Variants in DPP6 observed in about 807,000 individuals in gnomAD.
DPP6 encodes the protein A-type potassium channel modulatory protein DPP6.
DPP6 carries 69 observed loss-of-function variants against 122.6 expected under a neutral mutation model. The observed-to-expected ratio is 0.56, with a 90% CI of 0.46 to 0.69. The LOEUF is 0.69. Among genes scored for constraint, DPP6 ranks in the 30% least tolerant of loss-of-function variants. The probability of loss-of-function intolerance (pLI) is 0.00; values close to 1 mark genes in which losing one functional copy is unlikely to be tolerated. For synonymous variants in DPP6, 418 were observed against 433.1 expected (o/e 0.97, Z 0.43); for missense variants, 928 against 1,116.9 (o/e 0.83, Z 2.41).
chr7:153,998,145 A>C (rs1797529503), intron 1 of DPP6, among the ~76,000 whole-genome samples: 1 of 152,034 alleles, frequency 6.6e-6, no homozygotes, highest in South Asian at 2.1e-4. Context: ...AAGAGGTTAC[A>C]GTCCAAGTTC....
intron 1 of DPP6, among the ~76,000 whole-genome samples, chr7:154,442,358 C>T (rs1428818220): frequency 1.3e-5 from 2 of 152,172 alleles, no homozygotes; most frequent in African/African-American, 2.4e-5. Context: ...CAGAAAGGCA[C>T]TCACAGAGTG....
chr7:153,798,947 A>G, the DPP6 span, among the ~76,000 whole-genome samples: 1 of 152,192 alleles, frequency 6.6e-6, no homozygotes, highest in Admixed American at 6.5e-5. Context: ...ATGAGAATCT[A>G]ATGCCACTGC....
intron 5 of DPP6, among the ~76,000 whole-genome samples, chr7:154,629,088 C>T (rs745319891): frequency 6.6e-6 from 1 of 152,168 alleles, no homozygotes; most frequent in Non-Finnish European, 1.5e-5. Context: ...CACAAAACCT[C>T]GGCTTGGATT....
rs572560988 is a variant in DPP6, at chr7:154,454,174, T to C, written c.358+7846T>C. Among the ~76,000 whole-genome samples, 14 of 152,162 alleles carry C rather than the reference T, an allele frequency of 9.2e-5. No homozygotes were observed. In the South Asian group the frequency reaches 2.7e-3, roughly 29 times the overall value. On this transcript the variant is annotated intron_variant, in intron 2 of 25. Coordinates refer to ENST00000377770, the MANE Select transcript of DPP6 (RefSeq NM_130797.4). Reference sequence around the variant, plus strand: ...TCATGGGAAGCACAGGTGGCTTGAGTGGGTTCTGGTATTGTTCATTTGCCC... The same window carrying C: ...TCATGGGAAGCACAGGTGGCTTGAGCGGGTTCTGGTATTGTTCATTTGCCC...
At chr7:153,888,921 G>C (rs1165470911) in intron 1 of DPP6, among the ~76,000 whole-genome samples, 1 of 152,130 alleles carries the variant, frequency 6.6e-6, no homozygotes, top group Non-Finnish European at 1.5e-5. Context: ...CCAGGCAGTG[G>C]TGCATTTTGA....
intron 18 of DPP6, among the ~76,000 whole-genome samples, chr7:154,870,615 AAAAC>A (rs1170440025): frequency 2.0e-5 from 3 of 151,978 alleles, no homozygotes; most frequent in Non-Finnish European, 4.4e-5. Context: ...CAAAAAACAA[AAAAC>A]AAACAAACAA....
intron 2 of DPP6, among the ~76,000 whole-genome samples, chr7:154,455,700 A>C (rs191922347): frequency 1.9e-4 from 29 of 152,310 alleles, no homozygotes; most frequent in African/African-American, 7.0e-4. Context: ...GAGTCCTTAC[A>C]CTAAAGAGCC....
chr7:153,962,561 A>G (rs1327097289), intron 1 of DPP6, among the ~76,000 whole-genome samples: 1 of 152,216 alleles, frequency 6.6e-6, no homozygotes, highest in Non-Finnish European at 1.5e-5. Context: ...AGTCGGTCCC[A>G]GCCCCTTACG....
intron 1 of DPP6, among the ~76,000 whole-genome samples, chr7:153,974,404 C>T (rs1337902382): frequency 6.6e-6 from 1 of 152,046 alleles, no homozygotes; most frequent in African/African-American, 2.4e-5. Flanking sequence ...TTTAAATGTA[C>T]TTATTTATTT....
chr7:154,779,058 T>C (rs1272699386), intron 10 of DPP6, among the ~76,000 whole-genome samples: 6 of 2,772 alleles, frequency 2.2e-3, no homozygotes, highest in South Asian at 0.021. Context: ...ACCCCCACCA[T>C]CACCACCATC....
In DPP6 at chr7:154,863,671, C is replaced by T. The variant is rs975945580; in HGVS notation, c.1715-4324C>T. On this transcript the variant is annotated intron_variant, in intron 17 of 25. Transcript: ENST00000377770. This position sits in a 1 kb window ranked among gnomAD's most constrained non-coding sequence, Gnocchi z 4.1. ...CTCTGCAAAAATTACAAAATTTAGCCGGGCATGGTGGTGTATGCCTGTAGT... is the reference window on the plus strand; with the variant it reads ...CTCTGCAAAAATTACAAAATTTAGCTGGGCATGGTGGTGTATGCCTGTAGT... Among the ~76,000 whole-genome samples, 5 of 151,868 alleles carry T rather than the reference C, an allele frequency of 3.3e-5. No homozygotes were observed. The highest frequency in any genetic ancestry group is 1.9e-4 in the East Asian group (1 of 5,142).
intron 4 of DPP6, among the ~76,000 whole-genome samples, chr7:154,565,599 C>A (rs1021381793): frequency 6.6e-6 from 1 of 151,976 alleles, no homozygotes; most frequent in Admixed American, 6.6e-5. Flanking sequence ...GATCTCGGTC[C>A]GCCACAACCT....
chr7:153,879,383 C>G, the DPP6 span, among the ~76,000 whole-genome samples: 223 of 152,118 alleles, frequency 1.5e-3, 1 homozygote, highest in African/African-American at 4.8e-3. Flanking sequence ...TTATTTGTTT[C>G]TTTCTTTCTT....
At chr7:154,719,453 T>G (rs3823523) in intron 7 of DPP6, among the ~76,000 whole-genome samples, 66,464 of 152,070 alleles carry the variant, frequency 0.44, 15,065 homozygotes, top group African/African-American at 0.54. Context: ...TCATAAAATT[T>G]GAAATCTAGT....
intron 1 of DPP6, among the ~76,000 whole-genome samples, chr7:154,134,140 T>A (rs1585451271): frequency 6.6e-6 from 1 of 152,080 alleles, no homozygotes; most frequent in Non-Finnish European, 1.5e-5. Flanking sequence ...AGATACGTAG[T>A]TTCTGGATAG....
At chr7:154,661,591 G>A (rs373547359) in intron 6 of DPP6, among the ~76,000 whole-genome samples, 41 of 110,566 alleles carry the variant, frequency 3.7e-4, no homozygotes, top group Middle Eastern at 5.5e-3. Flanking sequence ...CGTATTGGCC[G>A]TAGTGTTCAT....
intron 3 of DPP6, among the ~76,000 whole-genome samples, chr7:154,519,085 G>A (rs1826767558): frequency 6.6e-6 from 1 of 152,248 alleles, no homozygotes; most frequent in East Asian, 1.9e-4. Flanking sequence ...TGATAACCCG[G>A]TTATCCTGCA....
At chr7:154,667,806 G>A (rs921620933) in intron 6 of DPP6, among the ~76,000 whole-genome samples, 10 of 152,136 alleles carry the variant, frequency 6.6e-5, no homozygotes, top group East Asian at 3.9e-4. Context: ...TGCATCTTCC[G>A]ATCACTGGGC....
chr7:154,235,144 C>A (rs1801129884), intron 1 of DPP6, among the ~76,000 whole-genome samples: 1 of 152,150 alleles, frequency 6.6e-6, no homozygotes, highest in Non-Finnish European at 1.5e-5. Context: ...TTTTTATCAC[C>A]CCCGAAGGAA....
Sources: allele counts gnomAD v4.1 joint callset (sites outside exome capture counted in the v4.1 genomes callset), GRCh38; gene constraint gnomAD v4.1.1; non-coding constraint Gnocchi (gnomAD v3.1); transcripts MANE v1.5; gene names NCBI Gene and HGNC (gene_info 2026-07-23, HGNC 2026-07-21).